ATP8B2: variants seen among roughly 807,000 people sequenced by gnomAD.
The protein encoded by ATP8B2 is phospholipid-transporting ATPase ID.
ATP8B2 carries 70 observed loss-of-function variants against 133.4 expected under a neutral mutation model. The observed-to-expected ratio is 0.52, with a 90% CI of 0.43 to 0.64. ATP8B2 has a LOEUF of 0.64. ATP8B2 is among the 30% of genes least tolerant of loss of function. The probability of loss-of-function intolerance (pLI) is 0.00; values close to 1 mark genes in which losing one functional copy is unlikely to be tolerated. For missense variants in ATP8B2, 1,101 were observed against 1,535.7 expected (o/e 0.72, Z 4.73); for synonymous variants, 517 against 589.5 (o/e 0.88, Z 1.78).
Position 154,345,312 on chromosome 1 carries a change from GTC to G in ATP8B2, c.2471-6_2471-5del. On this transcript the variant is annotated splice_polypyrimidine_tract_variant and splice_region_variant and intron_variant, in intron 22 of 27. Coordinates refer to ENST00000368489, the MANE Select transcript of ATP8B2 (RefSeq NM_001370597.1). The surrounding 1 kb of genome is among the most constrained non-coding windows in gnomAD (Gnocchi z 5.6). Reference sequence around the variant, plus strand: ...CATCTTCACCCTCTTGTCATCTCTTGTCTCTGCAGCGGCTCACATTGGTGTGG... The same window carrying G: ...CATCTTCACCCTCTTGTCATCTCTTGTCTGCAGCGGCTCACATTGGTGTGG... 1.2e-6 allele frequency: 2 copies of G among 1,613,766 alleles called. No homozygotes were observed. Among genetic ancestry groups the G allele is most frequent in the Non-Finnish European group, 1.7e-6 (2 of 1,179,948 alleles).
chr1:154,343,059 G>A lies in ATP8B2; in HGVS notation c.1454-54G>A, dbSNP rs1686440395. On this transcript the variant is annotated intron_variant, in intron 15 of 27. Transcript: ENST00000368489. This position sits in a 1 kb window ranked among gnomAD's most constrained non-coding sequence, Gnocchi z 5.8. ...GCTGGGCTGGGGCTTCCTGGGCGGG[G>A]CACGTGGCTGAGGGAAGCCACTTAT... The A allele has an allele frequency of 6.3e-7, 1 of 1,595,210 alleles. No homozygotes were observed. Among genetic ancestry groups the A allele is most frequent in the Non-Finnish European group, 8.6e-7 (1 of 1,169,196 alleles).
intron 13 of ATP8B2, 131 bp from the exon 14 acceptor site, chr1:154,342,349 T>G: frequency 1.1e-6 from 1 of 899,570 alleles, no homozygotes; most frequent in Non-Finnish European, 1.8e-6. Context: ...TGACTCACAC[T>G]GTGACAGCTG....
rs139970814 is a variant in ATP8B2 at position 154,331,458 on chromosome 1, C to T, written c.318C>T (p.Ser106=). Residue 106 remains serine, a synonymous_variant, in exon 6 of 28, where the codon AGC becomes AGT. Transcript: ENST00000368489. The surrounding 1 kb of genome is among the most constrained non-coding windows in gnomAD (Gnocchi z 4.8). ...DATDDYFRHK[S]DNQVNNRQSQ... ...CTTCTTTTCAGTTCCGCCACAAGAG[C>T]GATAACCAGGTGAATAACCGCCAGT... The T allele has an allele frequency of 9.7e-5, 157 of 1,614,070 alleles. No homozygotes were observed. In the African/African-American group the frequency reaches 1.7e-3, roughly 17 times the overall value.
Position 154,331,697 on chromosome 1 carries a change from C to T in ATP8B2, c.438+19C>T, listed in dbSNP as rs2149161517. 1 of 1,607,600 alleles carries T rather than the reference C, an allele frequency of 6.2e-7. No individual in the cohort carries two copies. On this transcript the variant is annotated intron_variant, in intron 7 of 27. Transcript: ENST00000368489. The surrounding 1 kb of genome is among the most constrained non-coding windows in gnomAD (Gnocchi z 4.8). ...TGTGGCGGTAAGGGACAGGGTACCCCTCTAGGCCTGTAGGTTCTTCCTCTT... is the reference window on the plus strand; with the variant it reads ...TGTGGCGGTAAGGGACAGGGTACCCTTCTAGGCCTGTAGGTTCTTCCTCTT...
Position 154,334,616 on chromosome 1 carries a change from C to T in ATP8B2, c.837+25C>T, listed in dbSNP as rs924266284. Reference sequence around the variant, plus strand: ...GGTGAGGCGCCCCACATCTGGCTCCCTGCCCCTGCCCTCTCTTCTCCTTGG... The same window carrying T: ...GGTGAGGCGCCCCACATCTGGCTCCTTGCCCCTGCCCTCTCTTCTCCTTGG... On this transcript the variant is annotated intron_variant, in intron 11 of 27. Transcript: ENST00000368489. This position sits in a 1 kb window ranked among gnomAD's most constrained non-coding sequence, Gnocchi z 4.6. 1.9e-6 allele frequency: 3 copies of T among 1,585,506 alleles called. No individual in the cohort carries two copies. The highest frequency in any genetic ancestry group is 2.2e-5 in the South Asian group (2 of 90,388).
At chr1:154,337,727 G>A (rs1278230508) in intron 12 of ATP8B2, 183 bp downstream of exon 12, 33 of 1,541,092 alleles carry the variant, frequency 2.1e-5, no homozygotes, top group Non-Finnish European at 2.7e-5. Flanking sequence ...CAGTTTCCTG[G>A]TACTTGGGAC....
chr1:154,344,416 A>C lies in ATP8B2; in HGVS notation c.2057A>C (p.Tyr686Ser). The C allele has an allele frequency of 2.5e-6, 4 of 1,614,158 alleles. No individual in the cohort carries two copies. The highest frequency in any genetic ancestry group is 3.4e-6 in the Non-Finnish European group (4 of 1,180,022). Residue 686 changes from tyrosine to serine, a missense_variant, in exon 20 of 28, where the codon TAT (tyrosine) becomes TCT (serine). By Grantham distance (144) the Tyr-to-Ser change is moderately radical (BLOSUM62 -2). Coordinates refer to ENST00000368489, the MANE Select transcript of ATP8B2 (RefSeq NM_001370597.1). The surrounding 1 kb of genome is among the most constrained non-coding windows in gnomAD (Gnocchi z 4.1). ...GTAGAGACGGCTGTGAACATCGGCTATTCCTGCAAGATGCTGACGGATGAC... is the reference window on the plus strand; with the variant it reads ...GTAGAGACGGCTGTGAACATCGGCTCTTCCTGCAAGATGCTGACGGATGAC... ...DKQETAVNIG[Y>S]SCKMLTDDMT...
In ATP8B2 at chr1:154,346,197, G is replaced by A. The variant is rs1031645377; in HGVS notation, c.2779-34G>A. Reference sequence around the variant, plus strand: ...ATCCAGGGTCAAAACGGCAACCTCTGAGGCCCCCTATGCTACATGGTCCTC... The same window carrying A: ...ATCCAGGGTCAAAACGGCAACCTCTAAGGCCCCCTATGCTACATGGTCCTC... On this transcript the variant is annotated intron_variant, in intron 24 of 27. Transcript: ENST00000368489. This position sits in a 1 kb window ranked among gnomAD's most constrained non-coding sequence, Gnocchi z 4.5. 1 of 1,603,466 alleles carries A rather than the reference G, an allele frequency of 6.2e-7. No homozygotes were observed. Among genetic ancestry groups the A allele is most frequent in the African/African-American group, 1.3e-5 (1 of 74,730 alleles).
Position 154,343,865 on chromosome 1 carries a change from C to T in ATP8B2, c.1759-28C>T, listed in dbSNP as rs375188518. ...TGTCCATTAGCTCTCCAGACTTACC[C>T]AGGTGTGCCTTTCCACTCTGCCTCC... On this transcript the variant is annotated intron_variant, in intron 17 of 27. Coordinates refer to ENST00000368489, the MANE Select transcript of ATP8B2 (RefSeq NM_001370597.1). This position sits in a 1 kb window ranked among gnomAD's most constrained non-coding sequence, Gnocchi z 5.8. 4 of 1,583,556 alleles carry T rather than the reference C, an allele frequency of 2.5e-6. No homozygotes were observed. The African/African-American group carries it at 4.1e-5, about 16-fold the overall frequency.
chr1:154,330,325 G>T (rs987462306), intron 2 of ATP8B2, 71 bp from the exon 3 acceptor site: 4 of 1,395,510 alleles, frequency 2.9e-6, no homozygotes, highest in Non-Finnish European at 4.0e-6. Flanking sequence ...AAAAAAACAG[G>T]GAACCCCCCA....
chr1:154,327,865 TG>T (rs1411354679), intron 1 of ATP8B2: 8 of 1,613,024 alleles, frequency 5.0e-6, no homozygotes, highest in Non-Finnish European at 6.8e-6. Context: ...CCTACAGGCA[TG>T]GGCTTCTGTA....
intron 11 of ATP8B2, among the ~76,000 whole-genome samples, chr1:154,336,041 CA>C (rs34783907): frequency 3.9e-3 from 373 of 96,528 alleles, no homozygotes; most frequent in African/African-American, 6.9e-3. Flanking sequence ...GGCTCCATCT[CA>C]AAAAAAAAAA....
chr1:154,332,604 T>G lies in ATP8B2; in HGVS notation c.510-14T>G. The G allele has an allele frequency of 6.4e-7, 1 of 1,574,340 alleles. No individual in the cohort carries two copies. ...TGAGGAGGGAGCGGGGACTCAGAGA[T>G]ACTGTCCTTCCAGCGAGACCAACAT... On this transcript the variant is annotated splice_polypyrimidine_tract_variant and intron_variant, in intron 8 of 27. Coordinates refer to ENST00000368489, the MANE Select transcript of ATP8B2 (RefSeq NM_001370597.1).
chr1:154,343,281 G>C lies in ATP8B2; in HGVS notation c.1622G>C (p.Arg541Pro), dbSNP rs1686448517. 1 of 1,613,926 alleles carries C rather than the reference G, an allele frequency of 6.2e-7. No individual in the cohort carries two copies. The highest frequency in any genetic ancestry group is 1.7e-5 in the Admixed American group (1 of 59,994). Residue 541 changes from arginine (R) to proline (P), a missense_variant, in exon 16 of 28, where the codon CGC becomes CCC. Transcript: ENST00000368489. The surrounding 1 kb of genome is among the most constrained non-coding windows in gnomAD (Gnocchi z 5.8). ...LLAILDFNNIRKRMSVIVRNP... is the reference protein window; with the variant it reads ...LLAILDFNNIPKRMSVIVRNP... Reference sequence around the variant, plus strand: ...GCCATCCTGGACTTCAACAACATCCGCAAGCGGATGTCGGTCATAGGTGAG... The same window carrying C: ...GCCATCCTGGACTTCAACAACATCCCCAAGCGGATGTCGGTCATAGGTGAG...
rs1685871978 is a variant in ATP8B2, at chr1:154,328,615, G to T, written c.31+443G>T. On this transcript the variant is annotated intron_variant, in intron 2 of 27. Transcript: ENST00000368489. This position sits in a 1 kb window ranked among gnomAD's most constrained non-coding sequence, Gnocchi z 4.6. Reference sequence around the variant, plus strand: ...CTCACCCGCATTGGCCCGGCCCGGGGGTGGGAGGGGAGGCGGGGCTCGCGC... The same window carrying T: ...CTCACCCGCATTGGCCCGGCCCGGGTGTGGGAGGGGAGGCGGGGCTCGCGC... Among the ~76,000 whole-genome samples the T allele has an allele frequency of 6.6e-6, 1 of 152,194 alleles. No individual in the cohort carries two copies.
chr1:154,325,909 G>C (rs1685772891), intron 1 of ATP8B2, among the ~76,000 whole-genome samples: 2 of 152,150 alleles, frequency 1.3e-5, no homozygotes, highest in African/African-American at 4.8e-5. Context: ...CCCGGGGACG[G>C]GGCAGAGCGG....
chr1:154,341,339 G>A, intron 13 of ATP8B2: 1 of 473,446 alleles, frequency 2.1e-6, no homozygotes, highest in South Asian at 2.1e-5. Flanking sequence ...TTAAAAATTA[G>A]CCAGGTATGG....
chr1:154,325,882 CGAG>C (rs1201877363), intron 1 of ATP8B2, among the ~76,000 whole-genome samples, 180 bp downstream of exon 1: 2 of 151,866 alleles, frequency 1.3e-5, no homozygotes, highest in East Asian at 3.9e-4. Flanking sequence ...CGACTGGAGA[CGAG>C]GGGCTGTCGG....
intron 2 of ATP8B2, among the ~76,000 whole-genome samples, chr1:154,329,754 C>A (rs1042656690): frequency 6.6e-6 from 1 of 152,058 alleles, no homozygotes; most frequent in African/African-American, 2.4e-5. Flanking sequence ...CTGAAACGCA[C>A]CCCCCACACC....
Sources: gnomAD v4.1 joint callset for allele counts (sites outside exome capture counted in the v4.1 genomes callset) on GRCh38, gnomAD v4.1.1 for gene constraint, Gnocchi (gnomAD v3.1) non-coding constraint, MANE v1.5 for transcripts, NCBI Gene and HGNC (gene_info 2026-07-23, HGNC 2026-07-21) for gene names.